Variants in CNBD1 observed in about 807,000 individuals in gnomAD.
The protein encoded by CNBD1 is cyclic nucleotide-binding domain-containing protein 1.
A neutral mutation model predicts 54.4 loss-of-function variants in CNBD1; 71 were observed. The ratio of observed to expected loss-of-function variants is 1.30; its 90% confidence interval spans 1.08 to 1.59. CNBD1 has a LOEUF of 1.59. Among genes scored for constraint, CNBD1 ranks in the 40% most tolerant of loss-of-function variants. The pLI is 0.00. For missense variants in CNBD1, 659 were observed against 518.0 expected, an observed-to-expected ratio of 1.27 and a Z score of -2.64; for synonymous variants, 182 against 170.7, an observed-to-expected ratio of 1.07 and a Z score of -0.51.
intron 6 of CNBD1, among the ~76,000 whole-genome samples, chr8:87,268,298 G>A (rs568175779): frequency 6.6e-6 from 1 of 152,174 alleles, no homozygotes; most frequent in African/African-American, 2.4e-5. Context: ...CTTTTGTATG[G>A]TTTTGTGTTA....
intron 4 of CNBD1, among the ~76,000 whole-genome samples, chr8:86,949,658 T>C (rs1651672500): frequency 6.6e-6 from 1 of 152,116 alleles, no homozygotes; most frequent in Non-Finnish European, 1.5e-5. Flanking sequence ...TCATATTGTC[T>C]ACAAATAAAA....
chr8:87,041,948 A>G (rs1810080826), intron 4 of CNBD1, among the ~76,000 whole-genome samples: 2 of 152,214 alleles, frequency 1.3e-5, no homozygotes, highest in East Asian at 3.9e-4. Context: ...AGAATATTCT[A>G]GTAATCTAGG....
At chr8:87,107,748 C>T (rs1811571654) in intron 4 of CNBD1, among the ~76,000 whole-genome samples, 1 of 152,120 alleles carries the variant, frequency 6.6e-6, no homozygotes, top group Admixed American at 6.6e-5. Flanking sequence ...TATGCTGTGG[C>T]ATTAGCTTCA....
At chr8:87,151,611 A>G (rs1429319813) in intron 4 of CNBD1, among the ~76,000 whole-genome samples, 1 of 152,200 alleles carries the variant, frequency 6.6e-6, no homozygotes, top group Admixed American at 6.5e-5. Flanking sequence ...ATTGCTAGGT[A>G]TGAGACAACA....
intron 2 of CNBD1, among the ~76,000 whole-genome samples, chr8:87,415,210 G>A (rs1807815891): frequency 1.3e-5 from 2 of 152,000 alleles, no homozygotes; most frequent in South Asian, 4.1e-4. Flanking sequence ...GTTCTCTCCA[G>A]AATTACTAAA....
chr8:86,905,196 T>A lies in CNBD1; in HGVS notation c.272+2T>A. On this transcript the variant is annotated splice_donor_variant, in intron 3 of 10. Transcript: ENST00000518476. LOFTEE classifies it high-confidence loss of function. Reference sequence around the variant, plus strand: ...ACTTTTCAAACAGGAGGAACAAAGGTAATGATACCTTCTTTTGAAAGCAAG... The same window carrying A: ...ACTTTTCAAACAGGAGGAACAAAGGAAATGATACCTTCTTTTGAAAGCAAG... The A allele has an allele frequency of 1.3e-6, 2 of 1,536,960 alleles. No individual in the cohort carries two copies. Among genetic ancestry groups the A allele is most frequent in the South Asian group, 2.3e-5 (2 of 88,722 alleles).
At position 87,065,997 on chromosome 8, in the gene CNBD1, A is replaced by G. The variant is rs188840809; in HGVS notation, c.431+126243A>G. ...GGATGATTAGAGACTATGAACACCA[A>G]TATAGTCTTGTAGCAACATTTGACA... On this transcript the variant is annotated intron_variant, in intron 4 of 10. Coordinates refer to ENST00000518476, the MANE Select transcript of CNBD1 (RefSeq NM_173538.3). 1.0e-3 allele frequency among the ~76,000 whole-genome samples: 159 copies of G among 152,124 alleles called. 1 individual carries two copies. The highest frequency in any genetic ancestry group is 1.9e-3 in the Admixed American group (29 of 15,278).
chr8:86,891,696 A>G (rs943879238), intron 2 of CNBD1, among the ~76,000 whole-genome samples: 3 of 152,108 alleles, frequency 2.0e-5, no homozygotes, highest in African/African-American at 7.2e-5. Flanking sequence ...TTTTAACAAT[A>G]TTAATTCTTC....
At chr8:87,315,398 G>A (rs1212110283) in intron 8 of CNBD1, among the ~76,000 whole-genome samples, 1 of 150,416 alleles carries the variant, frequency 6.6e-6, no homozygotes, top group Non-Finnish European at 1.5e-5. Flanking sequence ...TTTTTTTTTG[G>A]CTCATGGTTC....
chr8:87,064,245 A>G (rs1364846162), intron 4 of CNBD1, among the ~76,000 whole-genome samples: 3 of 151,978 alleles, frequency 2.0e-5, no homozygotes, highest in Non-Finnish European at 4.4e-5. Flanking sequence ...TCTGATTTAA[A>G]TAAATAATCT....
At chr8:86,976,333 A>G (rs911110974) in intron 4 of CNBD1, among the ~76,000 whole-genome samples, 23 of 150,450 alleles carry the variant, frequency 1.5e-4, no homozygotes, top group African/African-American at 5.1e-4. Context: ...TTTCCCCTAT[A>G]TTTTCTTCTT....
chr8:87,326,574 C>A (rs1480750580), intron 8 of CNBD1, among the ~76,000 whole-genome samples: 1 of 116,970 alleles, frequency 8.5e-6, no homozygotes, highest in Non-Finnish European at 1.9e-5. Flanking sequence ...TTGCTGATAC[C>A]CTTTCTTCCA....
rs1808996814 is a variant in CNBD1, at chr8:86,905,092, GC to G, written c.171del (p.Ser57ArgfsTer11). ...CTCTTCTTTTTAAGCCGGAGTATGA[GC>G]AATATCTTATCAGCTCACGATACAT... ...HIRGQHSRSM[S>X]NILSAHDTFM... On this transcript the variant is annotated frameshift_variant, in exon 3 of 11. Transcript: ENST00000518476. LOFTEE classifies it high-confidence loss of function. 3.1e-6 allele frequency: 5 copies of G among 1,604,058 alleles called. No individual in the cohort carries two copies. Among genetic ancestry groups the G allele is most frequent in the Non-Finnish European group, 4.3e-6 (5 of 1,172,534 alleles).
chr8:87,239,528 T>G (rs1409364596), intron 6 of CNBD1, among the ~76,000 whole-genome samples: 1 of 152,176 alleles, frequency 6.6e-6, no homozygotes, highest in African/African-American at 2.4e-5. Context: ...TTATTTGCTT[T>G]TTTATTGAGT....
chr8:87,146,120 A>G (rs963216088), intron 4 of CNBD1, among the ~76,000 whole-genome samples: 2 of 152,110 alleles, frequency 1.3e-5, no homozygotes, highest in African/African-American at 4.8e-5. Flanking sequence ...AAAACTTAAT[A>G]GTGCCCAGTG....
chr8:87,078,889 C>G (rs780164673), intron 4 of CNBD1, among the ~76,000 whole-genome samples: 1 of 152,056 alleles, frequency 6.6e-6, no homozygotes, highest in Non-Finnish European at 1.5e-5. Context: ...TTTTTAATAT[C>G]AACTTTATGC....
intron 4 of CNBD1, among the ~76,000 whole-genome samples, chr8:87,098,015 A>C (rs1353501418): frequency 6.6e-6 from 1 of 152,230 alleles, no homozygotes; most frequent in African/African-American, 2.4e-5. Flanking sequence ...TATAGGAAAA[A>C]AACACTCATT....
At chr8:87,359,295 A>T (rs1810484443) in intron 10 of CNBD1, among the ~76,000 whole-genome samples, 1 of 148,560 alleles carries the variant, frequency 6.7e-6, no homozygotes, top group African/African-American at 2.6e-5. Context: ...TCTGAATTTC[A>T]TTTTAAATTC....
chr8:87,301,301 A>C (rs371369504), intron 8 of CNBD1, among the ~76,000 whole-genome samples: 2 of 152,274 alleles, frequency 1.3e-5, no homozygotes, highest in African/African-American at 4.8e-5. Context: ...TTTTGAAACA[A>C]TACCACAAGA....
Sources: allele counts gnomAD v4.1 joint callset (sites outside exome capture counted in the v4.1 genomes callset), GRCh38; gene constraint gnomAD v4.1.1; transcripts MANE v1.5; gene names NCBI Gene and HGNC (gene_info 2026-07-23, HGNC 2026-07-21).